ALDH3B1: variants seen among roughly 807,000 people sequenced by gnomAD.
The protein encoded by ALDH3B1 is aldehyde dehydrogenase 3 family member B1.
Under a neutral mutation model 46.2 loss-of-function variants are expected in ALDH3B1, and 37 were observed. That is an observed-to-expected ratio of 0.80 (90% CI 0.62 to 1.05). The LOEUF (loss-of-function observed/expected upper bound fraction) is 1.05. Ranked by LOEUF, ALDH3B1 falls within the 50% of genes least tolerant of loss-of-function variation. The pLI is 0.00. For missense variants in ALDH3B1, 603 were observed against 665.5 expected (o/e 0.91, Z 1.03); for synonymous variants, 283 against 281.0 (o/e 1.01, Z -0.07).
At position 68,019,705 on chromosome 11, in the gene ALDH3B1, C is replaced by G; in HGVS notation, c.481-10C>G. The G allele has an allele frequency of 6.2e-7, 1 of 1,613,514 alleles. No homozygotes were observed. Among genetic ancestry groups the G allele is most frequent in the South Asian group, 1.1e-5 (1 of 91,036 alleles). On this transcript the variant is annotated splice_polypyrimidine_tract_variant and intron_variant, in intron 5 of 9. Coordinates refer to ENST00000342456, the MANE Select transcript of ALDH3B1 (RefSeq NM_000694.4). The stretch of plus-strand genomic sequence containing the variant: ...GTCCCAGAAGGAGCCTCACCCATCC[C>G]GCCTTGCAGAGCTGCTTTGCTGTGG...
At position 68,012,415 on chromosome 11, in the gene ALDH3B1, C is replaced by A. The variant is rs116212839; in HGVS notation, c.-2+2023C>A. ...TGGCCCCCAGGCCAGAGGAAACAGC[C>A]GCTATCTTCATCACCAAATGATGTG... On this transcript the variant is annotated intron_variant, in intron 1 of 9. Coordinates refer to ENST00000342456, the MANE Select transcript of ALDH3B1 (RefSeq NM_000694.4). 6.7e-3 allele frequency among the ~76,000 whole-genome samples: 1,020 copies of A among 152,294 alleles called. 11 individuals are homozygous for A. The highest frequency in any genetic ancestry group is 8.3e-3 in the Non-Finnish European group (564 of 68,014).
At chr11:68,010,076 A>G (rs370262826), upstream of ALDH3B1, among the ~76,000 whole-genome samples, 608 of 152,022 alleles carry the variant, frequency 4.0e-3, 3 homozygotes, top group African/African-American at 0.013. Flanking sequence ...GCCCTGCTGC[A>G]CAGCCTCTCC....
chr11:68,012,757 C>T (rs756405099), intron 1 of ALDH3B1, among the ~76,000 whole-genome samples: 18 of 152,240 alleles, frequency 1.2e-4, no homozygotes, highest in Non-Finnish European at 7.3e-5. Flanking sequence ...GTGTCCCTTC[C>T]CCCAAGGACT....
chr11:68,015,623 T>C (rs1235174695), intron 2 of ALDH3B1, 164 bp downstream of exon 2: 8 of 909,622 alleles, frequency 8.8e-6, no homozygotes, highest in Non-Finnish European at 1.4e-5. Flanking sequence ...CAGTCACTTA[T>C]TTCTGTATTC....
intron 9 of ALDH3B1, among the ~76,000 whole-genome samples, chr11:68,026,690 C>A (rs1857631594): frequency 6.6e-6 from 1 of 152,186 alleles, no homozygotes; most frequent in African/African-American, 2.4e-5. Context: ...GGTGACATCT[C>A]CCCTTTCTGA....
upstream of ALDH3B1, chr11:68,008,813 C>T (rs117602660): frequency 0.015 from 2,326 of 152,494 alleles, 31 homozygotes; most frequent in Non-Finnish European, 0.025. Context: ...ATGGTAGCAG[C>T]GGCAGGCCCA....
At chr11:68,021,968 A>G in intron 7 of ALDH3B1, 97 bp downstream of exon 7, 1 of 1,505,318 alleles carries the variant, frequency 6.6e-7, no homozygotes, top group South Asian at 1.4e-5. Context: ...CGCGCCTGAA[A>G]CCTGGCCCCA....
chr11:68,026,265 G>C (rs1344600725), intron 9 of ALDH3B1, among the ~76,000 whole-genome samples, 157 bp downstream of exon 9: 1 of 152,098 alleles, frequency 6.6e-6, no homozygotes, highest in East Asian at 1.9e-4. Context: ...CCCCACCCCA[G>C]AGGGTCTGAG....
At position 68,028,179 on chromosome 11, in the gene ALDH3B1, C is replaced by T. The variant is rs1319554428; in HGVS notation, c.*240C>T. On this transcript the variant is annotated 3_prime_UTR_variant, in exon 10 of 10. Transcript: ENST00000342456. Reference sequence around the variant, plus strand: ...AGGCATGGGAAACAGTGCAGTGACTCACCCCCTGCCCCCGCACCAACCACC... The same window carrying T: ...AGGCATGGGAAACAGTGCAGTGACTTACCCCCTGCCCCCGCACCAACCACC... 2 of 708,208 alleles carry T rather than the reference C, an allele frequency of 2.8e-6. No individual in the cohort carries two copies. Among genetic ancestry groups the T allele is most frequent in the East Asian group, 2.7e-5 (1 of 37,112 alleles). 43.9% of individuals were successfully genotyped at this position (708,208 alleles called of 1,614,324 possible).
At chr11:68,019,472 C>T (rs1016421664) in intron 5 of ALDH3B1, among the ~76,000 whole-genome samples, 53 of 152,230 alleles carry the variant, frequency 3.5e-4, no homozygotes. Flanking sequence ...TCCGTGTCTG[C>T]CTCCACCTGG....
In ALDH3B1 at chr11:68,018,536, G is replaced by A. The variant is rs200540814; in HGVS notation, c.172G>A (p.Glu58Lys). The A allele has an allele frequency of 7.1e-5, 112 of 1,570,996 alleles. No individual in the cohort carries two copies. In the African/African-American group the frequency reaches 1.2e-3, roughly 17 times the overall value. Residue 58 changes from glutamate (E) to lysine (K), a missense_variant, in exon 3 of 10, where the codon GAG becomes AAG. Physicochemically the swap from Glu to Lys is moderately conservative, Grantham distance 56. Transcript: ENST00000342456. ...LAQDLHKSAF[E>K]SEVSEVAISQ... is the part of the protein sequence containing the mutation. ...CACCCACTTCCTGCAGTCAGCCTTC[G>A]AGTCGGAGGTGTCTGAGGTTGCCAT...
chr11:68,011,505 G>A (rs1481159421), intron 1 of ALDH3B1, among the ~76,000 whole-genome samples: 1 of 152,180 alleles, frequency 6.6e-6, no homozygotes, highest in African/African-American at 2.4e-5. Flanking sequence ...CTGGTCTGTT[G>A]GGGCCTAGTA....
chr11:68,023,297 C>T (rs532325729), intron 8 of ALDH3B1, among the ~76,000 whole-genome samples: 1 of 147,756 alleles, frequency 6.8e-6, no homozygotes, highest in Non-Finnish European at 1.5e-5. Flanking sequence ...ATTCCCTCCA[C>T]TTGAACTTTT....
At chr11:68,015,270 C>T (rs1590772440) in intron 1 of ALDH3B1, 27 bp from the exon 2 acceptor site, 1 of 1,457,888 alleles carries the variant, frequency 6.9e-7, no homozygotes, top group Non-Finnish European at 9.1e-7. Context: ...GCCCTGGCCA[C>T]CCAGTTCATG....
At position 68,021,717 on chromosome 11, in the gene ALDH3B1, G is replaced by A. The variant is rs747225675; in HGVS notation, c.795G>A (p.Gln265=). ...AGGAGAGGCTGCTGCCTGCCCTGCA[G>A]AGCACCATCACCCGTTTCTATGGCG... ...EMQERLLPAL[Q]STITRFYGDD... The change falls in exon 7 of 10, where the codon CAG becomes CAA. Residue 265 remains glutamine (Q), a synonymous_variant. Transcript: ENST00000342456. The A allele has an allele frequency of 1.1e-5, 17 of 1,614,142 alleles. No individual in the cohort carries two copies. Among genetic ancestry groups the A allele is most frequent in the Non-Finnish European group, 1.4e-5 (17 of 1,179,990 alleles).
chr11:68,019,573 GC>G, intron 5 of ALDH3B1, 141 bp from the exon 6 acceptor site: 1 of 866,442 alleles, frequency 1.2e-6, no homozygotes, highest in Non-Finnish European at 1.8e-6. Flanking sequence ...TCCCCACTTT[GC>G]CTCCACCCAA....
intron 9 of ALDH3B1, among the ~76,000 whole-genome samples, chr11:68,027,140 T>A (rs1857645034): frequency 1.3e-5 from 2 of 152,070 alleles, no homozygotes; most frequent in Admixed American, 6.5e-5. Flanking sequence ...ACACACCGCA[T>A]GGCACCCACC....
At chr11:68,017,227 C>G (rs888725214) in intron 2 of ALDH3B1, 2 of 152,248 alleles carry the variant, frequency 1.3e-5, no homozygotes, top group African/African-American at 4.8e-5. Context: ...GGCCACCAGG[C>G]TCATGGGGCC....
chr11:68,011,539 G>A (rs72926415), intron 1 of ALDH3B1, among the ~76,000 whole-genome samples: 26,575 of 152,178 alleles, frequency 0.17, 2,423 homozygotes, highest in African/African-American at 0.22. Context: ...CAAAATCACA[G>A]CCTCTCATCA....
Sources: allele counts gnomAD v4.1 joint callset (sites outside exome capture counted in the v4.1 genomes callset), GRCh38; gene constraint gnomAD v4.1.1; transcripts MANE v1.5; gene names NCBI Gene and HGNC (gene_info 2026-07-23, HGNC 2026-07-21).